SLC25A13: variants seen among roughly 807,000 people sequenced by gnomAD.
SLC25A13 encodes the protein electrogenic aspartate/glutamate antiporter SLC25A13, mitochondrial.
A neutral mutation model predicts 85.5 loss-of-function variants in SLC25A13; 70 were observed. The ratio of observed to expected loss-of-function variants is 0.82; its 90% CI spans 0.68 to 1.00. The LOEUF is 1.00. SLC25A13 is among the 50% of genes least tolerant of loss of function. The probability of loss-of-function intolerance (pLI) is 0.00; values close to 1 mark genes in which losing one functional copy is unlikely to be tolerated. For synonymous variants in SLC25A13, 259 were observed against 288.7 expected (o/e 0.90, Z 1.04); for missense variants, 765 against 819.8 (o/e 0.93, Z 0.82).
At chr7:96,313,798 A>C (rs1432484432) in intron 1 of SLC25A13, among the ~76,000 whole-genome samples, 1 of 151,946 alleles carries the variant, frequency 6.6e-6, no homozygotes, top group African/African-American at 2.4e-5. Context: ...TACATTTAAA[A>C]AAAAAGAAAG....
chr7:96,141,964 T>A (rs1792583417), intron 14 of SLC25A13, among the ~76,000 whole-genome samples: 1 of 152,242 alleles, frequency 6.6e-6, no homozygotes, highest in East Asian at 1.9e-4. Flanking sequence ...GCTTGATATA[T>A]CTTCAAACTA....
At position 96,121,051 on chromosome 7, in the gene SLC25A13, T is replaced by G; in HGVS notation, c.*140A>C. 1 of 917,904 alleles carries G rather than the reference T, an allele frequency of 1.1e-6. No homozygotes were observed. Among genetic ancestry groups the G allele is most frequent in the East Asian group, 2.5e-5 (1 of 39,392 alleles). 56.9% of individuals were successfully genotyped at this position (917,904 alleles called of 1,614,324 possible). A position where few individuals can be genotyped will look rare whatever the true frequency, so the allele number is the denominator to read the frequency against. Reference sequence around the variant, plus strand: ...AAGAAAACACCCAGAAAATGAATGATTTCACATGATAAAAAAGCCTGGACT... The same window carrying G: ...AAGAAAACACCCAGAAAATGAATGAGTTCACATGATAAAAAAGCCTGGACT... On this transcript the variant is annotated 3_prime_UTR_variant, in exon 18 of 18. Transcript: ENST00000265631.
chr7:96,239,530 C>A (rs993116821), intron 3 of SLC25A13, among the ~76,000 whole-genome samples: 13 of 152,208 alleles, frequency 8.5e-5, no homozygotes, highest in South Asian at 4.2e-4. Flanking sequence ...CCGCAACTCC[C>A]AGAACTTCTT....
At position 96,135,858 on chromosome 7, in the gene SLC25A13, G is replaced by GTTTT. The variant is rs57884645; in HGVS notation, c.1453-3981_1453-3978dup. Among the ~76,000 whole-genome samples the GTTTT allele has an allele frequency of 1.8e-4, 24 of 132,972 alleles. 1 individual carries two copies. The highest frequency in any genetic ancestry group is 5.5e-4 in the African/African-American group (20 of 36,042). The allele number at this position is 132,972 out of a possible 152,430, so 87.2% of individuals were successfully genotyped here. On this transcript the variant is annotated intron_variant, in intron 14 of 17. Coordinates refer to ENST00000265631, the MANE Select transcript of SLC25A13 (RefSeq NM_014251.3). ...AAAATCCCCACATTTTCCTGCTTTG[G>GTTTT]TTTTTTTTTTTTTTTTTTTTAAACT...
intron 13 of SLC25A13, among the ~76,000 whole-genome samples, chr7:96,150,610 C>A (rs914751919): frequency 2.0e-5 from 3 of 151,962 alleles, no homozygotes; most frequent in Non-Finnish European, 2.9e-5. Context: ...TAGGGTGGGA[C>A]GTAATCCCAT....
chr7:96,269,441 G>A (rs1312730368), intron 3 of SLC25A13, among the ~76,000 whole-genome samples: 2 of 152,218 alleles, frequency 1.3e-5, no homozygotes, highest in African/African-American at 4.8e-5. Flanking sequence ...GTTGACAACA[G>A]GGGTCACTGA....
intron 15 of SLC25A13, among the ~76,000 whole-genome samples, chr7:96,131,236 T>C (rs1792017449): frequency 6.6e-6 from 1 of 152,228 alleles, no homozygotes; most frequent in African/African-American, 2.4e-5. Context: ...TTTCCATCTG[T>C]GATTTAATTA....
intron 14 of SLC25A13, among the ~76,000 whole-genome samples, chr7:96,134,311 C>T (rs970303633): frequency 6.6e-6 from 1 of 152,130 alleles, no homozygotes; most frequent in South Asian, 2.1e-4. Flanking sequence ...GCTGGGATTA[C>T]AGGCATTGAG....
intron 3 of SLC25A13, among the ~76,000 whole-genome samples, chr7:96,265,338 T>C (rs567405617): frequency 6.6e-6 from 1 of 152,330 alleles, no homozygotes; most frequent in South Asian, 2.1e-4. Context: ...GCCACATTCA[T>C]TAACATCACC....
chr7:96,269,416 G>T (rs1302292776), intron 3 of SLC25A13, among the ~76,000 whole-genome samples: 1 of 152,240 alleles, frequency 6.6e-6, no homozygotes, highest in African/African-American at 2.4e-5. Context: ...AAGCAGCCAT[G>T]CCCTCACAGA....
At chr7:96,316,392 G>C (rs1562973111) in intron 1 of SLC25A13, among the ~76,000 whole-genome samples, 2 of 152,132 alleles carry the variant, frequency 1.3e-5, no homozygotes, top group Non-Finnish European at 2.9e-5. Context: ...CATATACAGA[G>C]TGACAAAGGT....
chr7:96,125,733 A>G lies in SLC25A13; in HGVS notation c.1592-3736T>C, dbSNP rs536292942. ...CCTTTTCTATCTCTATATTATTGCTACACATTACATTCTAGAGGGGTTTTT... is the reference window on the plus strand; with the variant it reads ...CCTTTTCTATCTCTATATTATTGCTGCACATTACATTCTAGAGGGGTTTTT... On this transcript the variant is annotated intron_variant, in intron 15 of 17. Coordinates refer to ENST00000265631, the MANE Select transcript of SLC25A13 (RefSeq NM_014251.3). Among the ~76,000 whole-genome samples, 4 of 148,748 alleles carry G rather than the reference A, an allele frequency of 2.7e-5. No individual in the cohort carries two copies. The East Asian group carries it at 5.9e-4, about 22-fold the overall frequency.
intron 13 of SLC25A13, among the ~76,000 whole-genome samples, chr7:96,150,891 C>G (rs1793012776): frequency 6.6e-6 from 1 of 151,840 alleles, no homozygotes; most frequent in African/African-American, 2.4e-5. Flanking sequence ...AGCCAGCAAG[C>G]AGAGGAAAGG....
At chr7:96,292,573 C>G (rs1799170274) in intron 2 of SLC25A13, among the ~76,000 whole-genome samples, 1 of 152,246 alleles carries the variant, frequency 6.6e-6, no homozygotes, top group Admixed American at 6.5e-5. Context: ...TAAGCAACTT[C>G]AGCAAAGTCT....
intron 4 of SLC25A13, among the ~76,000 whole-genome samples, chr7:96,217,624 A>C (rs1795944319): frequency 6.6e-6 from 1 of 152,186 alleles, no homozygotes. Context: ...AAAAGAAACC[A>C]ATCATGAAAG....
chr7:96,148,160 T>C (rs1199780107), intron 13 of SLC25A13, among the ~76,000 whole-genome samples: 7 of 152,206 alleles, frequency 4.6e-5, no homozygotes, highest in Non-Finnish European at 8.8e-5. Flanking sequence ...AATGAATTTT[T>C]TGTTTGGGTT....
chr7:96,208,757 G>A (rs542318844), intron 5 of SLC25A13, 81 bp downstream of exon 5: 41 of 1,515,242 alleles, frequency 2.7e-5, no homozygotes, highest in African/African-American at 1.9e-4. Context: ...CGCCCACCTC[G>A]GCCTCCCAAA....
intron 1 of SLC25A13, among the ~76,000 whole-genome samples, chr7:96,299,210 A>G (rs921716772): frequency 4.6e-5 from 7 of 152,178 alleles, no homozygotes; most frequent in African/African-American, 1.7e-4. Flanking sequence ...TTCATAGCAC[A>G]TTTCTGCTTA....
intron 15 of SLC25A13, among the ~76,000 whole-genome samples, 160 bp downstream of exon 15, chr7:96,131,583 A>T (rs1792031794): frequency 6.6e-6 from 1 of 152,182 alleles, no homozygotes; most frequent in Non-Finnish European, 1.5e-5. Flanking sequence ...ATGAAGATTA[A>T]TTTTTTCCCT....
Sources: gnomAD v4.1 joint callset for allele counts (sites outside exome capture counted in the v4.1 genomes callset) on GRCh38, gnomAD v4.1.1 for gene constraint, MANE v1.5 for transcripts, NCBI Gene and HGNC (gene_info 2026-07-23, HGNC 2026-07-21) for gene names.